The following PPFIBP2 variants were observed in gnomAD, a reference collection of about 807,000 sequenced individuals.
PPFIBP2 encodes the protein liprin-beta-2.
A neutral mutation model predicts 118.3 loss-of-function variants in PPFIBP2; 118 were observed. The observed-to-expected ratio is 1.00, with a 90% CI of 0.86 to 1.16. The LOEUF (loss-of-function observed/expected upper bound fraction) is 1.16. PPFIBP2 is among the 50% of genes most tolerant of loss of function. The pLI, the probability that PPFIBP2 is intolerant of heterozygous loss-of-function variation, is 0.00. For missense variants in PPFIBP2, 1,195 were observed against 1,073.1 expected, an observed-to-expected ratio of 1.11 and a Z score of -1.59; for synonymous variants, 414 against 397.4, an observed-to-expected ratio of 1.04 and a Z score of -0.50.
At chr11:7,530,540 T>A (rs1250913552) in intron 1 of PPFIBP2, among the ~76,000 whole-genome samples, 1 of 152,194 alleles carries the variant, frequency 6.6e-6, no homozygotes, top group Non-Finnish European at 1.5e-5. Context: ...TCTTCCACCA[T>A]GTGAGGACAT....
intron 17 of PPFIBP2, 179 bp from the exon 18 acceptor site, chr11:7,648,208 C>T: frequency 1.6e-6 from 1 of 623,482 alleles, no homozygotes; most frequent in Non-Finnish European, 2.7e-6. Context: ...GGGTCTACCT[C>T]CTATGAGTGT....
At chr11:7,535,932 G>C (rs1200430485) in intron 1 of PPFIBP2, among the ~76,000 whole-genome samples, 2 of 152,168 alleles carry the variant, frequency 1.3e-5, no homozygotes, top group Admixed American at 6.5e-5. Context: ...ATAGTTCAAT[G>C]AGGGACCCGG....
chr11:7,577,184 C>T (rs963359716), intron 3 of PPFIBP2: 15 of 176,168 alleles, frequency 8.5e-5, no homozygotes, highest in Admixed American at 5.2e-4. Flanking sequence ...AGAATGGTCC[C>T]GTGTGTGTGT....
At chr11:7,584,361 C>A (rs1279909175) in intron 3 of PPFIBP2, among the ~76,000 whole-genome samples, 1 of 152,144 alleles carries the variant, frequency 6.6e-6, no homozygotes, top group East Asian at 1.9e-4. Context: ...ACTTAACCTC[C>A]CCTTATATAT....
intron 1 of PPFIBP2, among the ~76,000 whole-genome samples, chr11:7,533,782 G>T (rs1850964778): frequency 6.6e-6 from 1 of 152,218 alleles, no homozygotes; most frequent in African/African-American, 2.4e-5. Context: ...GTAGGACGTG[G>T]TCCAGTGAAG....
In PPFIBP2 at chr11:7,621,019, G is replaced by C. The variant is rs533969622; in HGVS notation, c.703G>C (p.Ala235Pro). 70 of 1,606,608 alleles carry C rather than the reference G, an allele frequency of 4.4e-5. 2 individuals are homozygous for C. In the South Asian group the frequency reaches 7.1e-4, roughly 16 times the overall value. Reference sequence around the variant, plus strand: ...GAATCAGTATGAATGGAAGCTAAAGGCCACTAAGGTAAACGGCACTCCTGA... The same window carrying C: ...GAATCAGTATGAATGGAAGCTAAAGCCCACTAAGGTAAACGGCACTCCTGA... The part of the protein sequence containing the change: ...ERNQYEWKLK[A>P]TKAEVAQLQE... Residue 235 changes from alanine to proline, a missense_variant, in exon 7 of 24, where the codon GCC (alanine) becomes CCC (proline). Ala to Pro is a conservative substitution (Grantham distance 27, BLOSUM62 -1). Coordinates refer to ENST00000299492, the MANE Select transcript of PPFIBP2 (RefSeq NM_003621.5).
chr11:7,657,253 C>T (rs1854765411), downstream of PPFIBP2: 1 of 162,990 alleles, frequency 6.1e-6, no homozygotes, highest in African/African-American at 2.4e-5. Context: ...CAGGAGGTCC[C>T]TCCGGGGCTG....
chr11:7,629,270 T>C (rs1305749262), intron 9 of PPFIBP2, among the ~76,000 whole-genome samples, 189 bp from the exon 10 acceptor site: 1 of 152,144 alleles, frequency 6.6e-6, no homozygotes, highest in Non-Finnish European at 1.5e-5. Flanking sequence ...AGAGCGTGAA[T>C]GCCTGCAGAT....
Position 7,653,557 on chromosome 11 carries a change from C to A in PPFIBP2, c.*339C>A, listed in dbSNP as rs755474209. On this transcript the variant is annotated 3_prime_UTR_variant, in exon 24 of 24. Transcript: ENST00000299492. ...GGTCCAGAGACCATGGACACTCCCA[C>A]GAGGCTCAGCTCTCAGGCACCCCCT... is the stretch of plus-strand genomic sequence containing the variant. 294 of 1,314,594 alleles carry A rather than the reference C, an allele frequency of 2.2e-4. 1 individual carries two copies. Among genetic ancestry groups the A allele is most frequent in the Non-Finnish European group, 2.7e-4 (272 of 1,006,050 alleles). 81.4% of individuals were successfully genotyped at this position (1,314,594 alleles called of 1,614,324 possible).
At chr11:7,648,157 G>A (rs1853397740) in intron 17 of PPFIBP2, 2 of 480,892 alleles carry the variant, frequency 4.2e-6, no homozygotes, top group Middle Eastern at 1.1e-3. Context: ...TAAGTAGCCT[G>A]AGATTTGAAA....
At chr11:7,573,162 G>C (rs1393313303) in intron 3 of PPFIBP2, among the ~76,000 whole-genome samples, 1 of 152,078 alleles carries the variant, frequency 6.6e-6, no homozygotes. Flanking sequence ...CATCACCTGG[G>C]AGCTTGTCAG....
chr11:7,517,712 T>C (rs1167626022), intron 1 of PPFIBP2, among the ~76,000 whole-genome samples: 5 of 151,922 alleles, frequency 3.3e-5, no homozygotes, highest in Admixed American at 1.3e-4. Flanking sequence ...CCTGAAAAAT[T>C]AGGTAAAGCA....
rs1202189286 is a variant in PPFIBP2, at chr11:7,649,603, G to T, written c.2070G>T (p.Leu690=). ...GCATCAAATGTGCCATTCACGTGCT[G>T]CATGTCAACAAGTTCAACCCCCACT... ...HLSIKCAIHV[L]HVNKFNPHCL... Residue 690 remains leucine (L), a synonymous_variant, in exon 21 of 24, where the codon CTG becomes CTT. Transcript: ENST00000299492. 1 of 1,614,114 alleles carries T rather than the reference G, an allele frequency of 6.2e-7. No homozygotes were observed. The highest frequency in any genetic ancestry group is 8.5e-7 in the Non-Finnish European group (1 of 1,180,056).
intron 15 of PPFIBP2, among the ~76,000 whole-genome samples, chr11:7,640,111 T>G (rs1851967770): frequency 6.6e-6 from 1 of 152,084 alleles, no homozygotes; most frequent in African/African-American, 2.4e-5. Flanking sequence ...CCCCTACTTC[T>G]TTTCGGCTGC....
Position 7,630,921 on chromosome 11 carries a change from G to T in PPFIBP2, c.965-4G>T, listed in dbSNP as rs759309803. ...ATTCAGTCTTACTACCTTAATGCTTGCAGGGCCTTCGGAGAGAACTCTCTC... is the reference window on the plus strand; with the variant it reads ...ATTCAGTCTTACTACCTTAATGCTTTCAGGGCCTTCGGAGAGAACTCTCTC... On this transcript the variant is annotated splice_polypyrimidine_tract_variant and splice_region_variant and intron_variant, in intron 10 of 23. Transcript: ENST00000299492. The T allele has an allele frequency of 7.4e-6, 12 of 1,611,386 alleles. No homozygotes were observed. The East Asian group carries it at 2.0e-4, about 27-fold the overall frequency.
the PPFIBP2 span, among the ~76,000 whole-genome samples, chr11:7,662,431 T>C: frequency 9.2e-5 from 14 of 152,066 alleles, no homozygotes; most frequent in Non-Finnish European, 1.8e-4. Context: ...GGATGTGAAA[T>C]TCTGGGTTGA....
chr11:7,518,415 C>G (rs1475833118), intron 1 of PPFIBP2, among the ~76,000 whole-genome samples: 1 of 151,800 alleles, frequency 6.6e-6, no homozygotes, highest in Non-Finnish European at 1.5e-5. Flanking sequence ...TTTATGGGCA[C>G]CCTTTTTGAG....
At chr11:7,610,665 A>G (rs35920408) in intron 6 of PPFIBP2, 39,142 of 410,200 alleles carry the variant, frequency 0.095, 2,545 homozygotes, top group African/African-American at 0.21. Context: ...GCTGACAAGG[A>G]TGGAAAGAGA....
chr11:7,621,734 G>C (rs944394282), intron 7 of PPFIBP2, among the ~76,000 whole-genome samples: 4 of 152,218 alleles, frequency 2.6e-5, no homozygotes, highest in African/African-American at 9.6e-5. Context: ...GCTACAGTTA[G>C]GTTTCCTTTG....
Sources: allele counts gnomAD v4.1 joint callset (sites outside exome capture counted in the v4.1 genomes callset), GRCh38; gene constraint gnomAD v4.1.1; transcripts MANE v1.5; gene names NCBI Gene and HGNC (gene_info 2026-07-23, HGNC 2026-07-21).